The following KIF13A variants were observed in gnomAD, a reference collection of about 807,000 sequenced individuals.
KIF13A encodes the protein kinesin family member 13A, also known as kinesin-like protein KIF13A.
Under a neutral mutation model 212.2 loss-of-function variants are expected in KIF13A, and 79 were observed. That is an observed-to-expected ratio of 0.37 (90% CI 0.31 to 0.45). The LOEUF is 0.45. Among genes scored for constraint, KIF13A ranks in the 20% least tolerant of loss-of-function variants. The probability of loss-of-function intolerance (pLI) is 1.00; values close to 1 mark genes in which losing one functional copy is unlikely to be tolerated. For missense variants in KIF13A, 1,901 were observed against 2,209.0 expected (o/e 0.86, Z 2.79); for synonymous variants, 789 against 808.6 (o/e 0.98, Z 0.41).
In KIF13A at chr6:17,899,874, T is replaced by C. The variant is rs528629256; in HGVS notation, c.147-1694A>G. Among the ~76,000 whole-genome samples the C allele has an allele frequency of 1.3e-5, 2 of 152,338 alleles. No homozygotes were observed. Among genetic ancestry groups the C allele is most frequent in the South Asian group, 4.1e-4 (2 of 4,824 alleles). ...ATTCTAAGGAAGTCATGGATTTCCA[T>C]TCTGTACAAAAAACTTGAGATTTCT... On this transcript the variant is annotated intron_variant, in intron 2 of 38. Transcript: ENST00000259711. This position sits in a 1 kb window ranked among gnomAD's most constrained non-coding sequence, Gnocchi z 5.2.
chr6:17,986,699 C>T (rs1329665520), intron 2 of KIF13A, among the ~76,000 whole-genome samples: 2 of 152,226 alleles, frequency 1.3e-5, no homozygotes, highest in Non-Finnish European at 2.9e-5. Context: ...AGGTCGTGGG[C>T]TGGTCACCTG....
At chr6:17,766,551 TTTTA>T (rs1306431230) in intron 38 of KIF13A, among the ~76,000 whole-genome samples, 4 of 152,034 alleles carry the variant, frequency 2.6e-5, no homozygotes, top group Non-Finnish European at 4.4e-5. Context: ...ATTTATTTAT[TTTTA>T]TTTATTTATT....
At chr6:17,894,998 T>G (rs1362341303) in intron 3 of KIF13A, among the ~76,000 whole-genome samples, 1 of 152,172 alleles carries the variant, frequency 6.6e-6, no homozygotes, top group Non-Finnish European at 1.5e-5. Context: ...AGCTAGGCAT[T>G]TGGATCTTCC....
chr6:17,861,112 T>A (rs796934671), intron 4 of KIF13A, among the ~76,000 whole-genome samples: 1 of 152,312 alleles, frequency 6.6e-6, no homozygotes, highest in African/African-American at 2.4e-5. Flanking sequence ...AAATTTATCA[T>A]ATTTAGTAAA....
chr6:17,876,236 T>C (rs537401232), intron 3 of KIF13A, among the ~76,000 whole-genome samples: 35 of 152,258 alleles, frequency 2.3e-4, no homozygotes, highest in Admixed American at 5.2e-4. Context: ...CTTTAATGCT[T>C]AATCACTTCC....
At chr6:17,759,561 T>C (rs1358941042), downstream of KIF13A, 1 of 152,224 alleles carries the variant, frequency 6.6e-6, no homozygotes, top group Non-Finnish European at 1.5e-5. Flanking sequence ...CCAGACCGAT[T>C]ATACAGGCAT....
At chr6:17,791,976 G>A (rs1358705644) in intron 25 of KIF13A, among the ~76,000 whole-genome samples, 1 of 150,726 alleles carries the variant, frequency 6.6e-6, no homozygotes, top group African/African-American at 2.4e-5. Flanking sequence ...GGTCGAGGTG[G>A]GTGGATCATG....
chr6:17,932,640 A>T (rs188266782), intron 2 of KIF13A, among the ~76,000 whole-genome samples: 5 of 152,262 alleles, frequency 3.3e-5, no homozygotes, highest in African/African-American at 9.6e-5. Context: ...TGTCACCTCA[A>T]CACCCTTGTA....
downstream of KIF13A, chr6:17,760,679 C>T (rs890094454): frequency 4.9e-6 from 3 of 614,358 alleles, no homozygotes; most frequent in Non-Finnish European, 8.9e-6. Flanking sequence ...AGTGCCGCTT[C>T]TCCCACTGGG....
In KIF13A at chr6:17,825,836, G is replaced by A. The variant is rs1391936531; in HGVS notation, c.1718C>T (p.Ser573Phe). 7 of 1,613,916 alleles carry A rather than the reference G, an allele frequency of 4.3e-6. No individual in the cohort carries two copies. Among genetic ancestry groups the A allele is most frequent in the Middle Eastern group, 1.6e-4 (1 of 6,062 alleles). Residue 573 changes from serine (S) to phenylalanine (F), a missense_variant, in exon 16 of 39, where the codon TCC (serine) becomes TTC (phenylalanine). Ser to Phe is a radical substitution (Grantham distance 155, BLOSUM62 -2). Transcript: ENST00000259711. The surrounding 1 kb of genome is among the most constrained non-coding windows in gnomAD (Gnocchi z 4.5). The part of the protein sequence containing the change: ...EHDLDAASEA[S>F]SEPDYNYEFA... ...TTCATAGTTATAGTCTGGTTCAGAG[G>A]AAGCCTCACTGGCTGCATCCAGGTC...
At chr6:17,784,541 G>A (rs533597330) in intron 28 of KIF13A, among the ~76,000 whole-genome samples, 1 of 152,290 alleles carries the variant, frequency 6.6e-6, no homozygotes, top group Non-Finnish European at 1.5e-5. Flanking sequence ...AATAAAAAAA[G>A]AAGAGTCGTG....
At chr6:17,806,459 A>G (rs1205312775) in intron 18 of KIF13A, among the ~76,000 whole-genome samples, 1 of 152,260 alleles carries the variant, frequency 6.6e-6, no homozygotes, top group African/African-American at 2.4e-5. Flanking sequence ...ACTAAAACCC[A>G]GTAAGACTGA....
At chr6:17,840,018 A>G (rs962015587) in intron 9 of KIF13A, among the ~76,000 whole-genome samples, 1 of 152,206 alleles carries the variant, frequency 6.6e-6, no homozygotes, top group Non-Finnish European at 1.5e-5. Context: ...TTCCATTTAT[A>G]TGAAATATCT....
At chr6:17,821,655 G>T in intron 16 of KIF13A, 1 of 992,318 alleles carries the variant, frequency 1.0e-6, no homozygotes, top group Non-Finnish European at 1.4e-6. Flanking sequence ...ACCTTCATCA[G>T]CCAGAAAACT....
rs774189643 is a variant in KIF13A at position 17,825,889 on chromosome 6, A to C, written c.1665T>G (p.Phe555Leu). Residue 555 changes from phenylalanine to leucine, a missense_variant, in exon 16 of 39, where the codon TTT becomes TTG. This residue lies in a region of KIF13A where 534 missense variants were observed against 536.9 expected (regional missense o/e 0.99). Coordinates refer to ENST00000259711, the MANE Select transcript of KIF13A (RefSeq NM_022113.6). The surrounding 1 kb of genome is among the most constrained non-coding windows in gnomAD (Gnocchi z 4.5). Reference protein sequence around the residue: ...KRKRRDWLKDFEKETGPPEHD... With the variant: ...KRKRRDWLKDLEKETGPPEHD... ...GCTCTGGCGGGCCCGTTTCTTTTTC[A>C]AAGTCTTTCAACCAATCTCGACGTT... is the stretch of plus-strand genomic sequence containing the variant. The C allele has an allele frequency of 3.7e-6, 6 of 1,613,870 alleles. No homozygotes were observed. Among genetic ancestry groups the C allele is most frequent in the African/African-American group, 2.7e-5 (2 of 74,914 alleles).
intron 6 of KIF13A, among the ~76,000 whole-genome samples, chr6:17,853,136 G>A (rs546474704): frequency 2.6e-5 from 4 of 152,240 alleles, no homozygotes; most frequent in South Asian, 2.1e-4. Context: ...CCAAAGTCCT[G>A]GCATTGTTCC....
chr6:17,850,059 T>C lies in KIF13A; in HGVS notation c.717+264A>G, dbSNP rs1022172264. On this transcript the variant is annotated intron_variant, in intron 8 of 38. Coordinates refer to ENST00000259711, the MANE Select transcript of KIF13A (RefSeq NM_022113.6). This position sits in a 1 kb window ranked among gnomAD's most constrained non-coding sequence, Gnocchi z 6.2. ...ACAAGATGGTCATGAACTTCTGCCC[T>C]CAAGCAATCCTCCCGCCTCAGACTC... 2.6e-5 allele frequency among the ~76,000 whole-genome samples: 4 copies of C among 152,150 alleles called. No individual in the cohort carries two copies. The highest frequency in any genetic ancestry group is 6.5e-5 in the Admixed American group (1 of 15,280).
intron 16 of KIF13A, among the ~76,000 whole-genome samples, chr6:17,818,390 C>G (rs941940433): frequency 1.3e-5 from 2 of 152,094 alleles, no homozygotes; most frequent in African/African-American, 2.4e-5. Flanking sequence ...GATACCCTAA[C>G]AACTTGTAAA....
chr6:17,856,043 T>G lies in KIF13A; in HGVS notation c.300A>C (p.Ala100=), dbSNP rs746702635. The change falls in exon 5 of 39, where the codon GCA becomes GCC. Residue 100 remains alanine (A), a synonymous_variant. Coordinates refer to ENST00000259711, the MANE Select transcript of KIF13A (RefSeq NM_022113.6). The surrounding 1 kb of genome is among the most constrained non-coding windows in gnomAD (Gnocchi z 4.5). The part of the protein sequence containing the change: ...AFQGYNACIF[A]YGQTGSGKSF... ...GCAACTTCTTACCTGTCTGTCCATA[T>G]GCAAAAATACACGCATTATACCCCT... 6.2e-7 allele frequency: 1 copy of G among 1,612,152 alleles called. No homozygotes were observed. The highest frequency in any genetic ancestry group is 2.2e-5 in the East Asian group (1 of 44,858).
Sources: gnomAD v4.1 joint callset for allele counts (sites outside exome capture counted in the v4.1 genomes callset) on GRCh38, gnomAD v4.1.1 for gene constraint, gnomAD v4.1.1 regional missense constraint, Gnocchi (gnomAD v3.1) non-coding constraint, MANE v1.5 for transcripts, NCBI Gene and HGNC (gene_info 2026-07-23, HGNC 2026-07-21) for gene names.